Variants in ZC3H12B observed in about 807,000 individuals in gnomAD.
ZC3H12B encodes zinc finger CCCH-type containing 12B, also known as probable ribonuclease ZC3H12B.
A neutral mutation model predicts 43.9 loss-of-function variants in ZC3H12B; 7 were observed. That is an observed-to-expected ratio of 0.16 (90% CI 0.09 to 0.30). The LOEUF (loss-of-function observed/expected upper bound fraction) is 0.30, where lower values mean the gene tolerates loss of function less well. Ranked by LOEUF, ZC3H12B falls within the 10% of genes least tolerant of loss-of-function variation. The probability of loss-of-function intolerance (pLI) is 1.00; values close to 1 mark genes in which losing one functional copy is unlikely to be tolerated. For missense variants in ZC3H12B, 475 were observed against 670.2 expected, an observed-to-expected ratio of 0.71 and a Z score of 3.22; for synonymous variants, 222 against 241.7, an observed-to-expected ratio of 0.92 and a Z score of 0.76.
chrX:65,194,930 T>C, the ZC3H12B span, among the ~76,000 whole-genome samples: 5 of 112,235 alleles, frequency 4.5e-5, no homozygotes, highest in Non-Finnish European at 9.4e-5. Context: ...ACCGTCTTTA[T>C]CTTTTTTGTA....
At chrX:65,200,787 C>T in the ZC3H12B span, among the ~76,000 whole-genome samples, 1 of 110,472 alleles carries the variant, frequency 9.1e-6, no homozygotes, top group African/African-American at 3.3e-5. Context: ...TAATTAGATC[C>T]CATTTTTCAA....
the ZC3H12B span, among the ~76,000 whole-genome samples, chrX:65,203,768 G>A: frequency 8.9e-6 from 1 of 111,787 alleles, no homozygotes; most frequent in Non-Finnish European, 1.9e-5. Flanking sequence ...TGCCCTGCAA[G>A]TGCGCTGGCA....
the ZC3H12B span, among the ~76,000 whole-genome samples, chrX:65,221,162 G>C: frequency 9.0e-6 from 1 of 111,576 alleles, no homozygotes; most frequent in African/African-American, 3.2e-5. Context: ...AATTATAATA[G>C]TGACACAACC....
the ZC3H12B span, among the ~76,000 whole-genome samples, chrX:65,284,349 G>A: frequency 9.0e-6 from 1 of 110,524 alleles, no homozygotes; most frequent in African/African-American, 3.3e-5. Flanking sequence ...AGAAATTTTT[G>A]GAATCCCAGA....
At chrX:65,036,112 G>T in the ZC3H12B span, among the ~76,000 whole-genome samples, 44 of 111,953 alleles carry the variant, frequency 3.9e-4, no homozygotes, top group African/African-American at 1.4e-3. Flanking sequence ...CACCGGAAGT[G>T]ATATTCTGGA....
chrX:65,170,474 C>G, the ZC3H12B span, among the ~76,000 whole-genome samples: 617 of 111,630 alleles, frequency 5.5e-3, 18 homozygotes, highest in Admixed American at 0.051. Context: ...ACATTTTTCC[C>G]TTCTTTTCAA....
the ZC3H12B span, among the ~76,000 whole-genome samples, chrX:65,229,355 C>T: frequency 5.4e-5 from 6 of 110,669 alleles, no homozygotes; most frequent in Non-Finnish European, 7.6e-5. Context: ...AACTGGATCC[C>T]TTCCTTACAC....
chrX:65,245,010 A>G, the ZC3H12B span, among the ~76,000 whole-genome samples: 6 of 111,135 alleles, frequency 5.4e-5, no homozygotes, highest in East Asian at 1.7e-3. Flanking sequence ...TGACATATTG[A>G]TACGTAGAGA....
At chrX:65,159,879 G>A in the ZC3H12B span, among the ~76,000 whole-genome samples, 17 of 111,626 alleles carry the variant, frequency 1.5e-4, no homozygotes, top group Non-Finnish European at 2.6e-4. Context: ...TGCCCATTCA[G>A]TATGATATTG....
At chrX:65,340,458 G>A in the ZC3H12B span, among the ~76,000 whole-genome samples, 1 of 112,029 alleles carries the variant, frequency 8.9e-6, no homozygotes, top group Non-Finnish European at 1.9e-5. Flanking sequence ...ACCCATCAGA[G>A]TGTAGTTACC....
At chrX:65,374,091 A>T (rs1447608215) in intron 2 of ZC3H12B, among the ~76,000 whole-genome samples, 1 of 57,202 alleles carries the variant, frequency 1.7e-5, no homozygotes, top group African/African-American at 2.4e-4. Flanking sequence ...TATATAGTAT[A>T]TATATAACTA....
chrX:65,502,634 G>A, exon 5 of ZC3H12B: 1 of 1,209,730 alleles, frequency 8.3e-7, no homozygotes, highest in Non-Finnish European at 1.1e-6. Context: ...TGGCCCAGAG[G>A]ATTCTAAGCA....
At chrX:65,137,125 A>G in the ZC3H12B span, among the ~76,000 whole-genome samples, 1 of 112,278 alleles carries the variant, frequency 8.9e-6, no homozygotes, top group Non-Finnish European at 1.9e-5. Flanking sequence ...TTATTTAATT[A>G]TACCTTCTAC....
intron 1 of ZC3H12B, 68 bp from the exon 7 acceptor site, chrX:65,497,064 G>C: frequency 2.0e-6 from 2 of 993,694 alleles, no homozygotes; most frequent in Non-Finnish European, 2.7e-6. Context: ...CTAAGAAAAA[G>C]CCTGCTTCAG....
At chrX:65,211,092 A>G in the ZC3H12B span, among the ~76,000 whole-genome samples, 7 of 105,202 alleles carry the variant, frequency 6.7e-5, no homozygotes, top group Admixed American at 3.1e-4. Context: ...AAGAAAGAAA[A>G]AAAAAAAAAA....
the ZC3H12B span, among the ~76,000 whole-genome samples, chrX:65,138,077 G>A: frequency 8.9e-5 from 10 of 112,108 alleles, no homozygotes; most frequent in Non-Finnish European, 1.3e-4. Context: ...CAATCCTCCC[G>A]CCTCTGCCTC....
the ZC3H12B span, among the ~76,000 whole-genome samples, chrX:65,304,303 T>G: frequency 3.6e-5 from 4 of 111,201 alleles, no homozygotes; most frequent in African/African-American, 1.3e-4. Context: ...AATAATTGAG[T>G]AACCATATGC....
the ZC3H12B span, among the ~76,000 whole-genome samples, chrX:65,270,318 C>G: frequency 9.0e-6 from 1 of 111,545 alleles, no homozygotes; most frequent in Non-Finnish European, 1.9e-5. Flanking sequence ...GTTGGGAAAA[C>G]TAAATTTCAA....
intron 3 of ZC3H12B, among the ~76,000 whole-genome samples, chrX:65,461,218 G>C (rs758147974): frequency 4.5e-5 from 5 of 112,104 alleles, no homozygotes; most frequent in Non-Finnish European, 7.5e-5. Flanking sequence ...AGGTGCTGGA[G>C]AGGATGTGGA....
Sources: allele counts gnomAD v4.1 joint callset (sites outside exome capture counted in the v4.1 genomes callset), GRCh38; gene constraint gnomAD v4.1.1; transcripts MANE v1.5; gene names NCBI Gene and HGNC (gene_info 2026-07-23, HGNC 2026-07-21).